ANKS1B: variants seen among roughly 807,000 people sequenced by gnomAD.
The protein encoded by ANKS1B is ankyrin repeat and sterile alpha motif domain containing 1B.
In ANKS1B, 36 loss-of-function variants were observed where a neutral mutation model predicts 148.3. The observed-to-expected ratio is 0.24, with a 90% confidence interval of 0.19 to 0.32. ANKS1B has a LOEUF of 0.32. Ranked by LOEUF, ANKS1B falls within the 10% of genes least tolerant of loss-of-function variation. The probability of loss-of-function intolerance (pLI) is 1.00; values close to 1 mark genes in which losing one functional copy is unlikely to be tolerated. For missense variants in ANKS1B, 1,157 were observed against 1,542.6 expected (o/e 0.75, Z 4.19); for synonymous variants, 542 against 560.8 (o/e 0.97, Z 0.47).
At chr12:99,865,720 A>G (rs935940867) in intron 1 of ANKS1B, among the ~76,000 whole-genome samples, 10 of 152,240 alleles carry the variant, frequency 6.6e-5, no homozygotes, top group Non-Finnish European at 1.0e-4. Flanking sequence ...CTTAGAAGCC[A>G]TCTAAAAAAG....
intron 12 of ANKS1B, among the ~76,000 whole-genome samples, chr12:99,293,615 A>G (rs2080380707): frequency 6.6e-6 from 1 of 152,200 alleles, no homozygotes; most frequent in African/African-American, 2.4e-5. Context: ...TGGACTGGGT[A>G]AAAGTTTCTT....
intron 25 of ANKS1B, among the ~76,000 whole-genome samples, chr12:98,771,876 C>T (rs796574692): frequency 6.6e-6 from 1 of 152,124 alleles, no homozygotes; most frequent in Non-Finnish European, 1.5e-5. Flanking sequence ...TAGAAGACTG[C>T]AGATTTGTAT....
At chr12:99,145,845 A>C (rs1439944539) in intron 15 of ANKS1B, among the ~76,000 whole-genome samples, 1 of 152,068 alleles carries the variant, frequency 6.6e-6, no homozygotes, top group East Asian at 1.9e-4. Context: ...CTCTGCTGGC[A>C]ATTTTTTTAA....
At chr12:99,339,907 C>A (rs1195441047) in intron 12 of ANKS1B, among the ~76,000 whole-genome samples, 3 of 152,016 alleles carry the variant, frequency 2.0e-5, no homozygotes, top group Non-Finnish European at 4.4e-5. Flanking sequence ...ATCCTGTATA[C>A]TTCTTAGGTT....
At chr12:98,747,603 C>T (rs1455387828) in intron 26 of ANKS1B, among the ~76,000 whole-genome samples, 1 of 152,120 alleles carries the variant, frequency 6.6e-6, no homozygotes, top group African/African-American at 2.4e-5. Flanking sequence ...CCCACTACTG[C>T]GTATATATAC....
chr12:98,856,920 C>T (rs1335988313), intron 17 of ANKS1B, among the ~76,000 whole-genome samples: 2 of 152,074 alleles, frequency 1.3e-5, no homozygotes, highest in African/African-American at 4.8e-5. Flanking sequence ...CTGGGGTTTA[C>T]TTAATACCTG....
chr12:99,450,537 T>TC (rs369200531), intron 10 of ANKS1B, among the ~76,000 whole-genome samples: 30 of 152,198 alleles, frequency 2.0e-4, no homozygotes, highest in African/African-American at 5.5e-4. Flanking sequence ...ATGTTTTTTT[T>TC]CTGAGTATTT....
intron 16 of ANKS1B, among the ~76,000 whole-genome samples, chr12:99,060,757 C>T (rs566595268): frequency 1.3e-5 from 2 of 149,914 alleles, no homozygotes; most frequent in African/African-American, 2.5e-5. Flanking sequence ...TGCCTGAAGC[C>T]AGCATTTTCT....
chr12:98,811,396 G>A (rs2099094442), intron 19 of ANKS1B, among the ~76,000 whole-genome samples: 1 of 152,138 alleles, frequency 6.6e-6, no homozygotes, highest in South Asian at 2.1e-4. Context: ...CAGTAGAAGG[G>A]CGGGCTGCTC....
chr12:99,162,121 T>C (rs928707433), intron 14 of ANKS1B, among the ~76,000 whole-genome samples: 3 of 152,038 alleles, frequency 2.0e-5, no homozygotes, highest in Non-Finnish European at 4.4e-5. Context: ...AGGTCAAGAA[T>C]AGACAAATCT....
intron 17 of ANKS1B, among the ~76,000 whole-genome samples, chr12:98,919,098 G>GA (rs926886099): frequency 6.6e-5 from 10 of 151,910 alleles, no homozygotes; most frequent in East Asian, 1.9e-4. Flanking sequence ...TCTTTTTGCG[G>GA]AAAAAAATCT....
chr12:99,399,931 C>T (rs954380537), intron 11 of ANKS1B, 120 bp from the exon 12 acceptor site: 4 of 876,110 alleles, frequency 4.6e-6, no homozygotes. Flanking sequence ...GGGTTTTATA[C>T]TTAAAATATA....
chr12:99,643,832 A>G (rs746452145), intron 9 of ANKS1B, among the ~76,000 whole-genome samples: 61 of 152,264 alleles, frequency 4.0e-4, no homozygotes, highest in Middle Eastern at 3.4e-3. Context: ...AATCTCTTCA[A>G]AGAGCCCTCT....
chr12:98,794,392 CAAAAAAA>C (rs571692746), intron 22 of ANKS1B: 356 of 84,082 alleles, frequency 4.2e-3, no homozygotes, highest in South Asian at 0.013. Flanking sequence ...AACTCTGTCT[CAAAAAAA>C]AAAAAAAAAA....
intron 8 of ANKS1B, among the ~76,000 whole-genome samples, chr12:99,695,018 T>C (rs1409094902): frequency 6.6e-6 from 1 of 152,154 alleles, no homozygotes; most frequent in African/African-American, 2.4e-5. Flanking sequence ...AGGAACAGGG[T>C]CTTTACAAAG....
chr12:99,464,053 GACTGAT>G (rs2096048651), intron 10 of ANKS1B, among the ~76,000 whole-genome samples: 1 of 152,198 alleles, frequency 6.6e-6, no homozygotes, highest in Non-Finnish European at 1.5e-5. Flanking sequence ...AGTAGGGGCA[GACTGAT>G]ACCTCACATG....
intron 14 of ANKS1B, among the ~76,000 whole-genome samples, chr12:99,217,315 A>C (rs1240906066): frequency 6.6e-6 from 1 of 151,740 alleles, no homozygotes; most frequent in Non-Finnish European, 1.5e-5. Flanking sequence ...TCCTATTCTG[A>C]GAACCTGCTA....
chr12:99,013,578 T>A (rs568593932), intron 17 of ANKS1B, among the ~76,000 whole-genome samples: 1 of 152,314 alleles, frequency 6.6e-6, no homozygotes, highest in South Asian at 2.1e-4. Context: ...AAACTACCTT[T>A]GTTTGCAGAT....
chr12:99,356,681 T>C (rs527760202), intron 12 of ANKS1B, among the ~76,000 whole-genome samples: 2 of 152,230 alleles, frequency 1.3e-5, no homozygotes, highest in Non-Finnish European at 2.9e-5. Flanking sequence ...GGCCATCTGG[T>C]TCAATTTCCT....
Sources: gnomAD v4.1 joint callset for allele counts (sites outside exome capture counted in the v4.1 genomes callset) on GRCh38, gnomAD v4.1.1 for gene constraint, MANE v1.5 for transcripts, NCBI Gene and HGNC (gene_info 2026-07-23, HGNC 2026-07-21) for gene names.